Variants in CIDEA observed in about 807,000 individuals in gnomAD.
CIDEA encodes the protein lipid transferase CIDEA.
CIDEA carries 10 observed loss-of-function variants against 18.2 expected under a neutral mutation model. The observed-to-expected ratio is 0.55, with a 90% CI of 0.34 to 0.93. The LOEUF (loss-of-function observed/expected upper bound fraction) is 0.93. CIDEA is among the 40% of genes least tolerant of loss of function. The probability of loss-of-function intolerance (pLI) is 0.02; values close to 1 mark genes in which losing one functional copy is unlikely to be tolerated. For synonymous variants in CIDEA, 128 were observed against 124.8 expected, an observed-to-expected ratio of 1.03 and a Z score of -0.17; for missense variants, 309 against 293.1, an observed-to-expected ratio of 1.05 and a Z score of -0.40.
intron 1 of CIDEA, among the ~76,000 whole-genome samples, chr18:12,261,410 ACT>A (rs1912187071): frequency 1.3e-5 from 2 of 151,592 alleles, no homozygotes; most frequent in East Asian, 3.9e-4. Flanking sequence ...CTGGGTGAAA[ACT>A]CTACATGTGG....
chr18:12,262,754 T>G, intron 1 of CIDEA, 71 bp from the exon 2 acceptor site: 1 of 1,424,080 alleles, frequency 7.0e-7, no homozygotes, highest in Non-Finnish European at 9.8e-7. Context: ...AAATGCATTA[T>G]TTTTATGTAC....
At chr18:12,267,158 A>G (rs1912374314) in intron 3 of CIDEA, among the ~76,000 whole-genome samples, 1 of 152,228 alleles carries the variant, frequency 6.6e-6, no homozygotes, top group African/African-American at 2.4e-5. Flanking sequence ...TGAGGCACAG[A>G]CTATGACCCA....
At chr18:12,264,627 C>T (rs1379763714) in intron 3 of CIDEA, among the ~76,000 whole-genome samples, 174 bp downstream of exon 3, 1 of 151,928 alleles carries the variant, frequency 6.6e-6, no homozygotes, top group Non-Finnish European at 1.5e-5. Flanking sequence ...GATCTCGGCT[C>T]ACTGCAAGCT....
intron 4 of CIDEA, 87 bp downstream of exon 4, chr18:12,274,361 C>A: frequency 1.5e-6 from 2 of 1,336,962 alleles, no homozygotes; most frequent in Non-Finnish European, 2.1e-6. Context: ...TTCCTCTGGG[C>A]TCCCAGGCCG....
At chr18:12,257,572 A>G (rs1912073364) in intron 1 of CIDEA, among the ~76,000 whole-genome samples, 1 of 152,212 alleles carries the variant, frequency 6.6e-6, no homozygotes, top group Admixed American at 6.5e-5. Flanking sequence ...CCCTCGGGGC[A>G]GAATACAAAA....
intron 2 of CIDEA, chr18:12,263,546 C>G (rs1324433953): frequency 6.6e-6 from 1 of 152,230 alleles, no homozygotes; most frequent in Non-Finnish European, 1.5e-5. Context: ...GGTACAGAGA[C>G]AAAAACCTTA....
At chr18:12,273,962 G>T (rs1488322173) in intron 3 of CIDEA, 131 bp from the exon 4 acceptor site, 1 of 911,982 alleles carries the variant, frequency 1.1e-6, no homozygotes. Context: ...TCTCTCTATC[G>T]ATTAGCCACG....
intron 4 of CIDEA, among the ~76,000 whole-genome samples, chr18:12,274,941 A>G (rs9303764): frequency 0.77 from 117,012 of 152,222 alleles, 45,178 homozygotes; most frequent in East Asian, 0.87. Context: ...GACTGAGAGA[A>G]ACACCAGCAG....
intron 2 of CIDEA, 54 bp from the exon 3 acceptor site, chr18:12,264,253 G>C: frequency 1.4e-6 from 2 of 1,462,080 alleles, no homozygotes; most frequent in South Asian, 1.5e-5. Context: ...TCATTGGCTG[G>C]TCACATGGAA....
intron 3 of CIDEA, among the ~76,000 whole-genome samples, chr18:12,270,898 T>C (rs867327101): frequency 0.024 from 2,426 of 99,460 alleles, 29 homozygotes; most frequent in Non-Finnish European, 0.038. Flanking sequence ...TCTTTTCTTT[T>C]TTTTTTTTTT....
intron 3 of CIDEA, among the ~76,000 whole-genome samples, chr18:12,271,465 T>A (rs2144082775): frequency 6.6e-6 from 1 of 151,762 alleles, no homozygotes; most frequent in South Asian, 2.1e-4. Context: ...CCCTGCGCCC[T>A]GGCTTTGACT....
At chr18:12,270,890 T>TTTTC (rs1568105205) in intron 3 of CIDEA, among the ~76,000 whole-genome samples, 8 of 103,688 alleles carry the variant, frequency 7.7e-5, no homozygotes, top group Non-Finnish European at 9.7e-5. Context: ...TTTCTTTTTC[T>TTTTC]TTTCTTTTTT....
At chr18:12,275,161 A>G (rs1308400589) in intron 4 of CIDEA, among the ~76,000 whole-genome samples, 1 of 152,204 alleles carries the variant, frequency 6.6e-6, no homozygotes, top group Non-Finnish European at 1.5e-5. Flanking sequence ...TGTCTCTACT[A>G]AATATACAAA....
chr18:12,276,576 C>T lies in CIDEA; in HGVS notation c.513-547C>T, dbSNP rs75310338. Among the ~76,000 whole-genome samples, 812 of 152,320 alleles carry T rather than the reference C, an allele frequency of 5.3e-3. 7 individuals carry two copies. The highest frequency in any genetic ancestry group is 0.019 in the African/African-American group (776 of 41,584). On this transcript the variant is annotated intron_variant, in intron 4 of 4. Transcript: ENST00000320477. ...ACGACAGCCCCCACACTGGAGGCAC[C>T]GCCTGCTAGGGACCCTGTTGTGGGT...
rs1372139736 is a variant in CIDEA at position 12,277,220 on chromosome 18, G to A, written c.610G>A (p.Glu204Lys). Residue 204 changes from glutamate (E) to lysine (K), a missense_variant, in exon 5 of 5, where the codon GAG (glutamate) becomes AAG (lysine). By Grantham distance (56) the Glu-to-Lys change is moderately conservative. Coordinates refer to ENST00000320477, the MANE Select transcript of CIDEA (RefSeq NM_001279.4). Reference sequence around the variant, plus strand: ...GCTCCGGGTGCTGGATGACAAGGAAGAGCGGCCATCCCTCCGGTCACAAGC... The same window carrying A: ...GCTCCGGGTGCTGGATGACAAGGAAAAGCGGCCATCCCTCCGGTCACAAGC... The part of the protein sequence containing the change: ...YMLRVLDDKE[E>K]RPSLRSQAKG... 6.2e-7 allele frequency: 1 copy of A among 1,614,234 alleles called. No homozygotes were observed. The highest frequency in any genetic ancestry group is 8.5e-7 in the Non-Finnish European group (1 of 1,180,044).
chr18:12,264,163 A>T (rs1355621617), intron 2 of CIDEA, 144 bp from the exon 3 acceptor site: 1 of 697,358 alleles, frequency 1.4e-6, no homozygotes, highest in Non-Finnish European at 2.2e-6. Flanking sequence ...TGAGTCATAG[A>T]CACAAGTCAA....
At chr18:12,259,091 C>A (rs1912118407) in intron 1 of CIDEA, among the ~76,000 whole-genome samples, 1 of 152,196 alleles carries the variant, frequency 6.6e-6, no homozygotes, top group African/African-American at 2.4e-5. Flanking sequence ...GTGTGCCAGT[C>A]CTGGGGCCGC....
chr18:12,255,188 C>G (rs947274107), intron 1 of CIDEA, among the ~76,000 whole-genome samples: 4 of 152,202 alleles, frequency 2.6e-5, no homozygotes, highest in African/African-American at 9.7e-5. Context: ...TGCGTGGCAG[C>G]AACTGTAAAG....
chr18:12,254,434 C>A lies in CIDEA; in HGVS notation c.38+13C>A. The A allele has an allele frequency of 6.3e-6, 10 of 1,595,106 alleles. No individual in the cohort carries two copies. Among genetic ancestry groups the A allele is most frequent in the Non-Finnish European group, 8.5e-6 (10 of 1,173,858 alleles). On this transcript the variant is annotated intron_variant, in intron 1 of 4. Transcript: ENST00000320477. ...GAGCCCTCATCAGGCGAGTGCCCCG[C>A]GTCCCCCTGATTGCCGTGCGCTTCC...
Sources: gnomAD v4.1 joint callset for allele counts (sites outside exome capture counted in the v4.1 genomes callset) on GRCh38, gnomAD v4.1.1 for gene constraint, MANE v1.5 for transcripts, NCBI Gene and HGNC (gene_info 2026-07-23, HGNC 2026-07-21) for gene names.